Variants in CRISP2 observed in about 807,000 individuals in gnomAD.
CRISP2 encodes cysteine-rich secretory protein 2.
A neutral mutation model predicts 31.7 loss-of-function variants in CRISP2; 29 were observed. The observed-to-expected ratio is 0.92, with a 90% CI of 0.68 to 1.25. The LOEUF (loss-of-function observed/expected upper bound fraction) is 1.25. Ranked by LOEUF, CRISP2 falls within the 50% of genes most tolerant of loss-of-function variation. The probability of loss-of-function intolerance (pLI) is 0.00; values close to 1 mark genes in which losing one functional copy is unlikely to be tolerated. For synonymous variants in CRISP2, 111 were observed against 101.4 expected, an observed-to-expected ratio of 1.09 and a Z score of -0.57; for missense variants, 318 against 286.5, an observed-to-expected ratio of 1.11 and a Z score of -0.79.
In CRISP2 at chr6:49,700,613, G is replaced by A. The variant is rs549852466; in HGVS notation, c.183+55C>T. On this transcript the variant is annotated intron_variant, in intron 5 of 9. Coordinates refer to ENST00000339139, the MANE Select transcript of CRISP2 (RefSeq NM_003296.4). The stretch of plus-strand genomic sequence containing the variant: ...TCTTAAGAGATGCCAGTGGCCAGCC[G>A]TCGGCTCCTTCCACAGCTGATTCAC... 127 of 1,063,026 alleles carry A rather than the reference G, an allele frequency of 1.2e-4. 1 individual carries two copies. The highest frequency in any genetic ancestry group is 4.0e-4 in the Middle Eastern group (2 of 4,948). The allele number at this position is 1,063,026 out of a possible 1,614,324, so 65.8% of individuals were successfully genotyped here.
chr6:49,684,215 A>G, the CRISP2 span, among the ~76,000 whole-genome samples: 1 of 152,172 alleles, frequency 6.6e-6, no homozygotes, highest in South Asian at 2.1e-4. Context: ...ACTGAAGCTC[A>G]AGTCCTTTAT....
chr6:49,679,327 C>T, the CRISP2 span, among the ~76,000 whole-genome samples: 1 of 152,138 alleles, frequency 6.6e-6, no homozygotes, highest in African/African-American at 2.4e-5. Context: ...TTGAGTCTGT[C>T]AGTTAAGGTA....
chr6:49,714,117 A>G (rs151061358), upstream of CRISP2, among the ~76,000 whole-genome samples: 3 of 152,322 alleles, frequency 2.0e-5, no homozygotes, highest in African/African-American at 4.8e-5. Flanking sequence ...ACCCAAGGCT[A>G]CTGGCTGCAA....
At chr6:49,677,303 G>A in the CRISP2 span, among the ~76,000 whole-genome samples, 1 of 152,048 alleles carries the variant, frequency 6.6e-6, no homozygotes, top group African/African-American at 2.4e-5. Flanking sequence ...CATGCCCCAA[G>A]CATTTAGGAT....
chr6:49,692,888 T>G lies in CRISP2; in HGVS notation c.617A>C (p.Gln206Pro), dbSNP rs1449997676. ...ACAGTTACTTAGGAGATCTTGATACTGGCAACTATTGGCTGTAACAAAAAC... is the reference window on the plus strand; with the variant it reads ...ACAGTTACTTAGGAGATCTTGATACGGGCAACTATTGGCTGTAACAAAAAC... Reference protein sequence around the residue: ...CDKGLCTNSCQYQDLLSNCDS... With the variant: ...CDKGLCTNSCPYQDLLSNCDS... The change falls in exon 10 of 10, where the codon CAG becomes CCG. Residue 206 changes from glutamine (Q) to proline (P), a missense_variant. Coordinates refer to ENST00000339139, the MANE Select transcript of CRISP2 (RefSeq NM_003296.4). 6.2e-7 allele frequency: 1 copy of G among 1,613,510 alleles called. No homozygotes were observed. Among genetic ancestry groups the G allele is most frequent in the Admixed American group, 1.7e-5 (1 of 59,998 alleles).
At chr6:49,697,790 G>A (rs754639718) in intron 8 of CRISP2, 70 bp downstream of exon 8, 18 of 1,603,532 alleles carry the variant, frequency 1.1e-5, no homozygotes, top group African/African-American at 2.7e-5. Flanking sequence ...TCTGGTTTAA[G>A]ATATGAGAAT....
chr6:49,698,396 T>C lies in CRISP2; in HGVS notation c.383A>G (p.Lys128Arg). 6.2e-7 allele frequency: 1 copy of C among 1,613,446 alleles called. No homozygotes were observed. Among genetic ancestry groups the C allele is most frequent in the African/African-American group, 1.3e-5 (1 of 75,010 alleles). ...ATGTCCAACAACTGCATTGGGACTC[T>C]TTGGTCCTACACCATAGACAAAATC... ...ILDFVYGVGPKSPNAVVGHYT... is the reference protein window; with the variant it reads ...ILDFVYGVGPRSPNAVVGHYT... The change falls in exon 7 of 10, where the codon AAG (lysine) becomes AGG (arginine). Residue 128 changes from lysine to arginine, a missense_variant. Lys to Arg is a conservative substitution (Grantham distance 26, BLOSUM62 2). Transcript: ENST00000339139.
At chr6:49,712,331 C>G (rs1246057834) in intron 2 of CRISP2, among the ~76,000 whole-genome samples, 170 bp downstream of exon 2, 1 of 152,224 alleles carries the variant, frequency 6.6e-6, no homozygotes, top group Non-Finnish European at 1.5e-5. Flanking sequence ...CCTCAACCAT[C>G]TAACCTATAC....
At chr6:49,682,619 CT>C in the CRISP2 span, among the ~76,000 whole-genome samples, 1,503 of 70,124 alleles carry the variant, frequency 0.021, 8 homozygotes, top group African/African-American at 0.064. Context: ...TTCTTTCTTT[CT>C]TTCTTTCTTT....
intron 4 of CRISP2, among the ~76,000 whole-genome samples, chr6:49,702,693 G>A (rs574168923): frequency 5.2e-4 from 79 of 152,020 alleles, no homozygotes; most frequent in African/African-American, 1.6e-3. Context: ...GTAGATTCTG[G>A]ATATTAGTCC....
rs116334922 is a variant in CRISP2 at position 49,707,039 on chromosome 6, A to G, written c.66+2092T>C. Among the ~76,000 whole-genome samples the G allele has an allele frequency of 6.0e-3, 907 of 152,276 alleles. 7 individuals are homozygous for G. Among genetic ancestry groups the G allele is most frequent in the African/African-American group, 0.018 (742 of 41,556 alleles). On this transcript the variant is annotated intron_variant, in intron 4 of 9. Coordinates refer to ENST00000339139, the MANE Select transcript of CRISP2 (RefSeq NM_003296.4). ...CTGGTTTTTGTGGTTTCATCTCAAA[A>G]CACATAAAAAGTTAATTTCTAAATT... is the stretch of plus-strand genomic sequence containing the variant.
At chr6:49,693,457 T>C (rs1366286530) in intron 9 of CRISP2, among the ~76,000 whole-genome samples, 2 of 152,186 alleles carry the variant, frequency 1.3e-5, no homozygotes, top group Non-Finnish European at 2.9e-5. Context: ...AAATAATCTT[T>C]ATGGGTGGAT....
chr6:49,713,929 G>A (rs1768442335), upstream of CRISP2, among the ~76,000 whole-genome samples: 1 of 152,136 alleles, frequency 6.6e-6, no homozygotes, highest in Admixed American at 6.5e-5. Context: ...GCTTAAGTTT[G>A]CAGTGCGCTG....
rs1293766927 is a variant in CRISP2, at chr6:49,699,866, T to G, written c.209A>C (p.Asn70Thr). 6.2e-7 allele frequency: 1 copy of G among 1,612,752 alleles called. No individual in the cohort carries two copies. Among genetic ancestry groups the G allele is most frequent in the South Asian group, 1.1e-5 (1 of 91,008 alleles). The change falls in exon 6 of 10, where the codon AAT (asparagine) becomes ACT (threonine). Residue 70 changes from asparagine (N) to threonine (T), a missense_variant. Transcript: ENST00000339139. ...KMEWSREVTT[N>T]AQRWANKCTL... ...GCACTTGTTTGCCCACCTTTGGGCATTCGTTGTTACCTCTCTGCTCCATTC... is the reference window on the plus strand; with the variant it reads ...GCACTTGTTTGCCCACCTTTGGGCAGTCGTTGTTACCTCTCTGCTCCATTC...
chr6:49,698,490 T>C lies in CRISP2; in HGVS notation c.289A>G (p.Asn97Asp), dbSNP rs557474651. The change falls in exon 7 of 10, where the codon AAT becomes GAT. Residue 97 changes from asparagine (N) to aspartate (D), a missense_variant. Physicochemically the swap from Asn to Asp is conservative, Grantham distance 23. Transcript: ENST00000339139. ...DRKTSTRCGE[N>D]LYMSSDPTSW... ...GTAGGGTCACTTGACATATAGAGAT[T>C]CTCACCACATCTTGTACCTAAGGGG... 6.2e-7 allele frequency: 1 copy of C among 1,609,456 alleles called. No homozygotes were observed. The highest frequency in any genetic ancestry group is 1.7e-5 in the Admixed American group (1 of 58,704).
At position 49,699,854 on chromosome 6, in the gene CRISP2, C is replaced by T; in HGVS notation, c.221G>A (p.Trp74Ter). Residue 74 changes from tryptophan (W) to a stop codon, truncating the protein, a stop_gained, in exon 6 of 10, where the codon TGG becomes TAG. Coordinates refer to ENST00000339139, the MANE Select transcript of CRISP2 (RefSeq NM_003296.4). LOFTEE classifies it high-confidence loss of function. ...ATGTTGTAAAGTGCACTTGTTTGCC[C>T]ACCTTTGGGCATTCGTTGTTACCTC... ...SREVTTNAQR[W>*]ANKCTLQHSD... is the part of the protein sequence containing the mutation. The T allele has an allele frequency of 1.2e-6, 2 of 1,612,566 alleles. No individual in the cohort carries two copies. Among genetic ancestry groups the T allele is most frequent in the Middle Eastern group, 1.7e-4 (1 of 6,054 alleles).
At chr6:49,708,945 C>T (rs1346546566) in intron 4 of CRISP2, among the ~76,000 whole-genome samples, 186 bp downstream of exon 4, 3 of 152,158 alleles carry the variant, frequency 2.0e-5, no homozygotes, top group Non-Finnish European at 4.4e-5. Context: ...CTAGCATACA[C>T]ATGCAGAACA....
At chr6:49,701,836 A>G (rs537172659) in intron 4 of CRISP2, among the ~76,000 whole-genome samples, 3 of 91,896 alleles carry the variant, frequency 3.3e-5, no homozygotes, top group African/African-American at 1.2e-4. Flanking sequence ...ATACATTAAT[A>G]ATAATATATA....
Position 49,713,534 on chromosome 6 carries a change from G to C in CRISP2, c.-210C>G, listed in dbSNP as rs1290368067. 2.0e-5 allele frequency: 3 copies of C among 152,256 alleles called. No homozygotes were observed. Among genetic ancestry groups the C allele is most frequent in the Non-Finnish European group, 4.4e-5 (3 of 68,098 alleles). The allele number at this position is 152,256 out of a possible 1,614,324, so 9.4% of individuals were successfully genotyped here. A position where few individuals can be genotyped will look rare whatever the true frequency, so the allele number is the denominator to read the frequency against. On this transcript the variant is annotated 5_prime_UTR_variant, in exon 1 of 10. Transcript: ENST00000339139. ...AGTTGGGCCGGCGCGTTGCGGCGTTGAGGAGCTGCGGCGCGCCCCTCTCAC... is the reference window on the plus strand; with the variant it reads ...AGTTGGGCCGGCGCGTTGCGGCGTTCAGGAGCTGCGGCGCGCCCCTCTCAC...
Sources: gnomAD v4.1 joint callset for allele counts (sites outside exome capture counted in the v4.1 genomes callset) on GRCh38, gnomAD v4.1.1 for gene constraint, MANE v1.5 for transcripts, NCBI Gene and HGNC (gene_info 2026-07-23, HGNC 2026-07-21) for gene names.